Variants in FOXN3 observed in about 807,000 individuals in gnomAD.
FOXN3 encodes forkhead box protein N3.
Under a neutral mutation model 38.4 loss-of-function variants are expected in FOXN3, and 7 were observed. The ratio of observed to expected loss-of-function variants is 0.18; its 90% confidence interval spans 0.10 to 0.34. FOXN3 has a LOEUF of 0.34. Ranked by LOEUF, FOXN3 falls within the 10% of genes least tolerant of loss-of-function variation. FOXN3 has a pLI of 1.00. For synonymous variants in FOXN3, 230 were observed against 242.2 expected (o/e 0.95, Z 0.47); for missense variants, 456 against 613.4 (o/e 0.74, Z 2.71).
At chr14:89,389,675 G>C (rs537444132) in intron 2 of FOXN3, among the ~76,000 whole-genome samples, 1 of 152,200 alleles carries the variant, frequency 6.6e-6, no homozygotes, top group Admixed American at 6.5e-5. Context: ...GGCAGGCCAC[G>C]GTGGGATGGC....
At chr14:89,342,218 G>C (rs1039720746) in intron 3 of FOXN3, among the ~76,000 whole-genome samples, 1 of 152,194 alleles carries the variant, frequency 6.6e-6, no homozygotes, top group Non-Finnish European at 1.5e-5. Context: ...GAGTAAAATA[G>C]ATATAATCAG....
intron 3 of FOXN3, among the ~76,000 whole-genome samples, chr14:89,289,365 GAA>G: frequency 6.6e-6 from 1 of 152,166 alleles, no homozygotes; most frequent in African/African-American, 2.4e-5. Context: ...AGGCAGAAAA[GAA>G]AAAATTAGAC....
intron 4 of FOXN3, among the ~76,000 whole-genome samples, chr14:89,253,619 G>A (rs1444312340): frequency 2.0e-5 from 3 of 152,050 alleles, no homozygotes; most frequent in Non-Finnish European, 4.4e-5. Flanking sequence ...GAAAACAGAC[G>A]CCAAATTAAA....
At chr14:89,246,491 C>T (rs937171918) in intron 4 of FOXN3, among the ~76,000 whole-genome samples, 17 of 151,256 alleles carry the variant, frequency 1.1e-4, no homozygotes, top group African/African-American at 4.1e-4. Flanking sequence ...TCTGAGTGCC[C>T]GCCCCACCCA....
At chr14:89,179,718 G>A (rs1252923847) in intron 5 of FOXN3, among the ~76,000 whole-genome samples, 1 of 152,144 alleles carries the variant, frequency 6.6e-6, no homozygotes, top group Non-Finnish European at 1.5e-5. Context: ...TCGGTTCACG[G>A]CAAAGAGAAG....
At chr14:89,614,124 C>T (rs1049979644) in intron 1 of FOXN3, among the ~76,000 whole-genome samples, 3 of 152,178 alleles carry the variant, frequency 2.0e-5, no homozygotes, top group African/African-American at 7.2e-5. Flanking sequence ...TATCATTTTA[C>T]TCAACACTCA....
chr14:89,434,418 C>G (rs775923309), intron 1 of FOXN3, among the ~76,000 whole-genome samples: 7 of 152,036 alleles, frequency 4.6e-5, no homozygotes, highest in Non-Finnish European at 8.8e-5. Flanking sequence ...TTAGTAAAGA[C>G]AGTGTTTCAC....
chr14:89,511,227 CTT>C lies in FOXN3; in HGVS notation c.-14-98739_-14-98738del, dbSNP rs1249646985. On this transcript the variant is annotated intron_variant, in intron 1 of 6. Transcript: ENST00000345097. ...CTTTTCTTTCTTTCTTTCTTTCTTT[CTT>C]TTCTTTCCTTTTCTTTCTTTTCTTT... Among the ~76,000 whole-genome samples the C allele has an allele frequency of 3.0e-3, 47 of 15,846 alleles. 17 individuals are homozygous for C. The highest frequency in any genetic ancestry group is 8.7e-3 in the Non-Finnish European group (35 of 4,032). 10.4% of individuals were successfully genotyped at this position (15,846 alleles called of 152,430 possible).
At chr14:89,377,752 C>A (rs1040764973) in intron 2 of FOXN3, among the ~76,000 whole-genome samples, 1 of 152,226 alleles carries the variant, frequency 6.6e-6, no homozygotes, top group African/African-American at 2.4e-5. Flanking sequence ...CTGCACAACT[C>A]GTATGTTGAA....
intron 3 of FOXN3, among the ~76,000 whole-genome samples, chr14:89,339,508 G>A (rs1473459927): frequency 6.6e-6 from 1 of 152,194 alleles, no homozygotes; most frequent in African/African-American, 2.4e-5. Context: ...CAGGGCAAGC[G>A]TGTGGTTCTC....
chr14:89,363,761 A>G (rs937737084), intron 2 of FOXN3, among the ~76,000 whole-genome samples: 4 of 151,882 alleles, frequency 2.6e-5, no homozygotes, highest in African/African-American at 9.7e-5. Flanking sequence ...TTCACCATGA[A>G]CTTACAGCCT....
chr14:89,514,815 T>A (rs1026081511), intron 1 of FOXN3, among the ~76,000 whole-genome samples: 8 of 152,130 alleles, frequency 5.3e-5, no homozygotes, highest in African/African-American at 1.9e-4. Flanking sequence ...TGTCGCACTG[T>A]CCTGAAAAGA....
chr14:89,262,175 C>A (rs1464258272), intron 4 of FOXN3, among the ~76,000 whole-genome samples: 1 of 152,106 alleles, frequency 6.6e-6, no homozygotes. Context: ...GAAAAGAGAG[C>A]TGGACTGACC....
intron 1 of FOXN3, among the ~76,000 whole-genome samples, chr14:89,524,383 AAAAAAAAAAAAAAAAAAAAAGAAAG>A (rs1894387988): frequency 9.2e-6 from 1 of 108,128 alleles, no homozygotes; most frequent in Non-Finnish European, 1.8e-5. Context: ...AAAAAAAAAA[AAAAAAAAAAAAAAAAAAAAAGAAAG>A]AAAGAAACTA....
chr14:89,198,780 C>T (rs1888161554), intron 4 of FOXN3, among the ~76,000 whole-genome samples: 1 of 152,208 alleles, frequency 6.6e-6, no homozygotes, highest in South Asian at 2.1e-4. Context: ...GTGAATAGTG[C>T]TAAGGCTGAG....
At chr14:89,316,498 G>C (rs1459302253) in intron 3 of FOXN3, among the ~76,000 whole-genome samples, 1 of 148,788 alleles carries the variant, frequency 6.7e-6, no homozygotes, top group Non-Finnish European at 1.5e-5. Flanking sequence ...TAGGACTACA[G>C]ACACGTGTCA....
At chr14:89,243,186 T>C (rs1306200959) in intron 4 of FOXN3, among the ~76,000 whole-genome samples, 1 of 152,170 alleles carries the variant, frequency 6.6e-6, no homozygotes, top group Non-Finnish European at 1.5e-5. Context: ...TAGGTAGGTA[T>C]ATTCATATCT....
At chr14:89,443,679 G>A (rs1182428148) in intron 1 of FOXN3, among the ~76,000 whole-genome samples, 3 of 152,160 alleles carry the variant, frequency 2.0e-5, no homozygotes, top group East Asian at 3.8e-4. Context: ...ATCTGAGTAG[G>A]AGTCCCTCAT....
At chr14:89,489,597 C>T (rs1346996231) in intron 1 of FOXN3, among the ~76,000 whole-genome samples, 1 of 152,184 alleles carries the variant, frequency 6.6e-6, no homozygotes, top group Non-Finnish European at 1.5e-5. Context: ...GTGAGCACAA[C>T]TCAGTCTTCA....
Sources: gnomAD v4.1 joint callset for allele counts (sites outside exome capture counted in the v4.1 genomes callset) on GRCh38, gnomAD v4.1.1 for gene constraint, MANE v1.5 for transcripts, NCBI Gene and HGNC (gene_info 2026-07-23, HGNC 2026-07-21) for gene names.